Variants in SND1 observed in about 807,000 individuals in gnomAD.
SND1 encodes the protein staphylococcal nuclease domain-containing protein 1.
A neutral mutation model predicts 121.7 loss-of-function variants in SND1; 38 were observed. That is an observed-to-expected ratio of 0.31 (90% CI 0.24 to 0.41). SND1 has a LOEUF of 0.41. SND1 is among the 10% of genes least tolerant of loss of function. The probability of loss-of-function intolerance (pLI) is 1.00; values close to 1 mark genes in which losing one functional copy is unlikely to be tolerated. For synonymous variants in SND1, 401 were observed against 447.4 expected (o/e 0.90, Z 1.31); for missense variants, 868 against 1,184.6 (o/e 0.73, Z 3.92).
In SND1 at chr7:127,934,136, G is replaced by A. The variant is rs144908216; in HGVS notation, c.1669+4807G>A. Among the ~76,000 whole-genome samples the A allele has an allele frequency of 7.0e-5, 10 of 142,610 alleles. No homozygotes were observed. The East Asian group carries it at 2.2e-3, about 31-fold the overall frequency. The allele number at this position is 142,610 out of a possible 152,430, so 93.6% of individuals were successfully genotyped here. A position where few individuals can be genotyped will look rare whatever the true frequency, so the allele number is the denominator to read the frequency against. ...ACACCTCCCTAGGTGCTGGTATCTTGAGCTGTGTTTTGAAGTACATATGAG... is the reference window on the plus strand; with the variant it reads ...ACACCTCCCTAGGTGCTGGTATCTTAAGCTGTGTTTTGAAGTACATATGAG... On this transcript the variant is annotated intron_variant, in intron 15 of 23. Coordinates refer to ENST00000354725, the MANE Select transcript of SND1 (RefSeq NM_014390.4).
intron 16 of SND1, among the ~76,000 whole-genome samples, chr7:128,061,571 C>T (rs941101670): frequency 2.0e-5 from 3 of 152,170 alleles, no homozygotes; most frequent in African/African-American, 7.2e-5. Flanking sequence ...CAGCCCTGCA[C>T]TAGGAGTTTG....
chr7:127,967,553 T>C (rs1801882954), intron 15 of SND1, among the ~76,000 whole-genome samples: 1 of 152,208 alleles, frequency 6.6e-6, no homozygotes, highest in South Asian at 2.1e-4. Flanking sequence ...GCCAGAAACA[T>C]GTCCTAAGAT....
chr7:127,694,238 C>T (rs1795970625), intron 2 of SND1, among the ~76,000 whole-genome samples: 1 of 152,178 alleles, frequency 6.6e-6, no homozygotes, highest in Admixed American at 6.5e-5. Flanking sequence ...CTCACTTGAG[C>T]AGGGGATTCA....
At chr7:127,895,085 G>A (rs1800091512) in intron 13 of SND1, among the ~76,000 whole-genome samples, 1 of 151,310 alleles carries the variant, frequency 6.6e-6, no homozygotes, top group South Asian at 2.1e-4. Context: ...CTATTAAATT[G>A]TCCTGTGAGA....
intron 9 of SND1, among the ~76,000 whole-genome samples, chr7:127,720,101 G>T (rs1176553823): frequency 6.6e-6 from 1 of 152,168 alleles, no homozygotes; most frequent in African/African-American, 2.4e-5. Flanking sequence ...TACATTCTGT[G>T]CTAGAAGATC....
chr7:127,858,253 G>C (rs1338151494), intron 12 of SND1: 2 of 775,798 alleles, frequency 2.6e-6, no homozygotes, highest in East Asian at 5.2e-5. Context: ...CCACCATCTG[G>C]TCGGCCAATT....
intron 9 of SND1, among the ~76,000 whole-genome samples, chr7:127,712,332 A>G (rs1262692322): frequency 1.3e-5 from 2 of 151,806 alleles, no homozygotes; most frequent in African/African-American, 4.8e-5. Context: ...CTAATTTTTA[A>G]ATTTTTTGTA....
At position 127,951,353 on chromosome 7, in the gene SND1, G is replaced by A. The variant is rs575119140; in HGVS notation, c.1669+22024G>A. On this transcript the variant is annotated intron_variant, in intron 15 of 23. Transcript: ENST00000354725. Reference sequence around the variant, plus strand: ...AAATATTGCATGATTCCAGTTACGCGAGGTAACTAAAATAGTGACACTCAT... The same window carrying A: ...AAATATTGCATGATTCCAGTTACGCAAGGTAACTAAAATAGTGACACTCAT... Among the ~76,000 whole-genome samples the A allele has an allele frequency of 3.9e-5, 6 of 152,314 alleles. No individual in the cohort carries two copies. In the East Asian group the frequency reaches 5.8e-4, roughly 15 times the overall value.
chr7:127,677,490 T>C (rs1487317891), intron 1 of SND1, among the ~76,000 whole-genome samples: 1 of 152,228 alleles, frequency 6.6e-6, no homozygotes, highest in Non-Finnish European at 1.5e-5. Context: ...GCACTTGCTA[T>C]TTAGACGACC....
chr7:127,937,574 A>G (rs1801087896), intron 15 of SND1, among the ~76,000 whole-genome samples: 1 of 152,112 alleles, frequency 6.6e-6, no homozygotes, highest in Non-Finnish European at 1.5e-5. Flanking sequence ...CTAGGATTTG[A>G]TAAATGGTGG....
intron 10 of SND1, among the ~76,000 whole-genome samples, chr7:127,723,585 A>G (rs1796533433): frequency 6.6e-6 from 1 of 152,190 alleles, no homozygotes; most frequent in South Asian, 2.1e-4. Flanking sequence ...TAATATAATG[A>G]ACCTTGAATG....
At chr7:127,740,942 T>C (rs1008448164) in intron 10 of SND1, among the ~76,000 whole-genome samples, 3 of 152,258 alleles carry the variant, frequency 2.0e-5, no homozygotes, top group South Asian at 4.1e-4. Flanking sequence ...TTTTACACTT[T>C]GGAGAATTTT....
intron 10 of SND1, among the ~76,000 whole-genome samples, chr7:127,785,875 GC>G (rs1236811731): frequency 1.3e-5 from 2 of 152,182 alleles, no homozygotes; most frequent in African/African-American, 2.4e-5. Context: ...CAGAAGATCT[GC>G]CTGCCTCAAT....
At chr7:127,687,948 G>A (rs574239354) in intron 2 of SND1, among the ~76,000 whole-genome samples, 1 of 152,180 alleles carries the variant, frequency 6.6e-6, no homozygotes, top group Admixed American at 6.5e-5. Flanking sequence ...TCGCCCTAAA[G>A]TACTGGGATT....
chr7:127,767,313 A>G (rs1797440275), intron 10 of SND1, among the ~76,000 whole-genome samples: 1 of 152,156 alleles, frequency 6.6e-6, no homozygotes. Flanking sequence ...AGATGCTTGC[A>G]TGGTGGGGGC....
intron 10 of SND1, among the ~76,000 whole-genome samples, chr7:127,797,136 AC>A (rs1191180038): frequency 1.3e-5 from 2 of 151,658 alleles, no homozygotes; most frequent in Non-Finnish European, 2.9e-5. Context: ...CAGGTTATCC[AC>A]CCACCTCACC....
At chr7:127,946,527 C>G (rs146251472) in intron 15 of SND1, among the ~76,000 whole-genome samples, 60 of 152,332 alleles carry the variant, frequency 3.9e-4, no homozygotes, top group African/African-American at 8.4e-4. Context: ...AAGGAATCCT[C>G]TTTTCTAATA....
At chr7:128,014,594 C>T (rs1326721398) in intron 16 of SND1, among the ~76,000 whole-genome samples, 1 of 152,188 alleles carries the variant, frequency 6.6e-6, no homozygotes, top group Non-Finnish European at 1.5e-5. Context: ...TGAGACAGGA[C>T]TCCCATATTG....
At chr7:127,939,609 A>T (rs1801146845) in intron 15 of SND1, among the ~76,000 whole-genome samples, 1 of 152,162 alleles carries the variant, frequency 6.6e-6, no homozygotes, top group Non-Finnish European at 1.5e-5. Flanking sequence ...AGCAAGGCCG[A>T]TGTGGCATTT....
Sources: gnomAD v4.1 joint callset for allele counts (sites outside exome capture counted in the v4.1 genomes callset) on GRCh38, gnomAD v4.1.1 for gene constraint, MANE v1.5 for transcripts, NCBI Gene and HGNC (gene_info 2026-07-23, HGNC 2026-07-21) for gene names.